The following HDGFL3 variants were observed in gnomAD, a reference collection of about 807,000 sequenced individuals.
HDGFL3 encodes HDGF like 3.
HDGFL3 carries 6 observed loss-of-function variants against 27.6 expected under a neutral mutation model. The observed-to-expected ratio is 0.22, with a 90% CI of 0.12 to 0.43. HDGFL3 has a LOEUF of 0.43. Ranked by LOEUF, HDGFL3 falls within the 20% of genes least tolerant of loss-of-function variation. The probability of loss-of-function intolerance (pLI) is 1.00; values close to 1 mark genes in which losing one functional copy is unlikely to be tolerated. For synonymous variants in HDGFL3, 88 were observed against 88.9 expected, an observed-to-expected ratio of 0.99 and a Z score of 0.05; for missense variants, 207 against 250.1, an observed-to-expected ratio of 0.83 and a Z score of 1.16.
Position 83,151,323 on chromosome 15 carries a change from T to G in HDGFL3, c.498A>C (p.Glu166Asp). The G allele has an allele frequency of 6.2e-7, 1 of 1,613,436 alleles. No individual in the cohort carries two copies. Among genetic ancestry groups the G allele is most frequent in the Non-Finnish European group, 8.5e-7 (1 of 1,179,640 alleles). The change falls in exon 5 of 6, where the codon GAA becomes GAC. Residue 166 changes from glutamate to aspartate, a missense_variant. Glu to Asp is a conservative substitution (Grantham distance 45). Coordinates refer to ENST00000299633, the MANE Select transcript of HDGFL3 (RefSeq NM_016073.4). ...SKQSRKSPGDEDDKDCKEEEN... is the reference protein window; with the variant it reads ...SKQSRKSPGDDDDKDCKEEEN... ...CCTCTTCTTTGCAGTCTTTGTCATC[T>G]TCATCTCCTGGAGATTTCCGGGACT...
chr15:83,149,595 T>G (rs1293178707), intron 5 of HDGFL3, among the ~76,000 whole-genome samples: 1 of 152,162 alleles, frequency 6.6e-6, no homozygotes, highest in Non-Finnish European at 1.5e-5. Flanking sequence ...AAATGAGACG[T>G]TGGATCGGGC....
chr15:83,139,306 G>T, intron 5 of HDGFL3, 31 bp from the exon 6 acceptor site: 1 of 1,352,670 alleles, frequency 7.4e-7, no homozygotes. Flanking sequence ...AAGAAAACAA[G>T]CCTTTAGATG....
chr15:83,120,983 C>T (rs528835684), intron 3 of HDGFL3, among the ~76,000 whole-genome samples: 8 of 152,212 alleles, frequency 5.3e-5, no homozygotes, highest in Non-Finnish European at 7.4e-5. Context: ...ACAGTATTCT[C>T]GTTTCCCTTC....
At chr15:83,116,219 T>G (rs1382518806) in intron 3 of HDGFL3, among the ~76,000 whole-genome samples, 4 of 152,226 alleles carry the variant, frequency 2.6e-5, no homozygotes, top group Non-Finnish European at 5.9e-5. Flanking sequence ...GTATTTAATA[T>G]AAATAAGGTA....
chr15:83,134,303 C>T lies in HDGFL3; in HGVS notation c.*4967G>A, dbSNP rs1250665807. 6.6e-6 allele frequency: 1 copy of T among 152,170 alleles called. No individual in the cohort carries two copies. Among genetic ancestry groups the T allele is most frequent in the Non-Finnish European group, 1.5e-5 (1 of 68,066 alleles). 9.4% of individuals were successfully genotyped at this position (152,170 alleles called of 1,614,324 possible). A position where few individuals can be genotyped will look rare whatever the true frequency, so the allele number is the denominator to read the frequency against. ...TGGCACAATCTTGGCTCACTGCAAC[C>T]TCCACTCCCCGGGTTCAAGCAATTC... On this transcript the variant is annotated 3_prime_UTR_variant, in exon 6 of 6. Coordinates refer to ENST00000299633, the MANE Select transcript of HDGFL3 (RefSeq NM_016073.4).
chr15:83,160,774 T>C (rs950919198), intron 2 of HDGFL3, among the ~76,000 whole-genome samples: 1 of 152,136 alleles, frequency 6.6e-6, no homozygotes, highest in African/African-American at 2.4e-5. Context: ...GTAAATTCCA[T>C]TTTCTGCCTG....
intron 1 of HDGFL3, among the ~76,000 whole-genome samples, chr15:83,171,373 C>A (rs971430364): frequency 1.3e-5 from 2 of 152,126 alleles, no homozygotes; most frequent in Non-Finnish European, 1.5e-5. Context: ...TACCATTTGA[C>A]CCAGCAATCC....
chr15:83,158,089 T>A (rs182179718), intron 2 of HDGFL3, 48 bp from the exon 3 acceptor site: 2 of 1,486,796 alleles, frequency 1.3e-6, no homozygotes, highest in East Asian at 4.5e-5. Context: ...CCTTCAAAGG[T>A]AAGATATTTT....
intron 1 of HDGFL3, among the ~76,000 whole-genome samples, chr15:83,169,618 A>G (rs1231838574): frequency 6.6e-6 from 1 of 151,780 alleles, no homozygotes; most frequent in Non-Finnish European, 1.5e-5. Context: ...TCTGGCCAAC[A>G]TGCTAAACCC....
exon 4 of HDGFL3, chr15:83,115,721 G>A (rs747924805): frequency 2.0e-5 from 15 of 754,000 alleles, no homozygotes; most frequent in African/African-American, 3.4e-5. Flanking sequence ...AGTCTATCTC[G>A]ATAATTGTCC....
chr15:83,182,183 G>A (rs1372512151), intron 1 of HDGFL3, among the ~76,000 whole-genome samples: 1 of 151,590 alleles, frequency 6.6e-6, no homozygotes, highest in Non-Finnish European at 1.5e-5. Context: ...GCATGAAGTA[G>A]TATCTTCTGT....
Position 83,148,883 on chromosome 15 carries a change from A to G in HDGFL3, c.606+2332T>C, listed in dbSNP as rs140484242. Reference sequence around the variant, plus strand: ...ATACACCTATATGTTAGGCATGGGCAAACATTTCAAAAAGAAAAGGAAATA... The same window carrying G: ...ATACACCTATATGTTAGGCATGGGCGAACATTTCAAAAAGAAAAGGAAATA... On this transcript the variant is annotated intron_variant, in intron 5 of 5. Coordinates refer to ENST00000299633, the MANE Select transcript of HDGFL3 (RefSeq NM_016073.4). Among the ~76,000 whole-genome samples, 168 of 152,272 alleles carry G rather than the reference A, an allele frequency of 1.1e-3. 1 individual carries two copies. Among genetic ancestry groups the G allele is most frequent in the African/African-American group, 3.9e-3 (162 of 41,564 alleles).
intron 3 of HDGFL3, chr15:83,122,690 T>C: frequency 6.4e-7 from 1 of 1,556,394 alleles, no homozygotes; most frequent in Non-Finnish European, 8.7e-7. Context: ...GATGGGGAGG[T>C]ATCCTAAATA....
exon 4 of HDGFL3, chr15:83,113,023 T>C: frequency 3.7e-6 from 3 of 817,074 alleles, no homozygotes; most frequent in Non-Finnish European, 6.1e-6. Context: ...GCTGCAAGTG[T>C]AGGGGTGTTT....
downstream of HDGFL3, among the ~76,000 whole-genome samples, chr15:83,127,020 A>G (rs531189728): frequency 6.6e-6 from 1 of 152,216 alleles, no homozygotes; most frequent in South Asian, 2.1e-4. Flanking sequence ...GTGAAACCCC[A>G]TCTCTACTGA....
At chr15:83,160,582 G>A (rs748821703) in intron 2 of HDGFL3, among the ~76,000 whole-genome samples, 2 of 152,046 alleles carry the variant, frequency 1.3e-5, no homozygotes, top group Admixed American at 6.6e-5. Context: ...AAAAAACTCA[G>A]TTTTGAATGC....
downstream of HDGFL3, chr15:83,122,899 T>C: frequency 1.2e-6 from 2 of 1,613,354 alleles, no homozygotes; most frequent in African/African-American, 1.3e-5. Context: ...TAAGCTTTGA[T>C]GTACCCTGTT....
At chr15:83,153,042 T>A (rs1311690654) in intron 4 of HDGFL3, among the ~76,000 whole-genome samples, 2 of 149,870 alleles carry the variant, frequency 1.3e-5, no homozygotes, top group Non-Finnish European at 3.0e-5. Flanking sequence ...TTGCCCAGGC[T>A]GGAGTGCCGT....
At chr15:83,205,053 A>G (rs1438197759) in intron 1 of HDGFL3, among the ~76,000 whole-genome samples, 1 of 152,364 alleles carries the variant, frequency 6.6e-6, no homozygotes, top group African/African-American at 2.4e-5. Flanking sequence ...GGCGCCCCAC[A>G]GTATCTAATG....
Sources: allele counts gnomAD v4.1 joint callset (sites outside exome capture counted in the v4.1 genomes callset), GRCh38; gene constraint gnomAD v4.1.1; transcripts MANE v1.5; gene names NCBI Gene and HGNC (gene_info 2026-07-23, HGNC 2026-07-21).